RNF144B: variants seen among roughly 807,000 people sequenced by gnomAD.
The protein encoded by RNF144B is E3 ubiquitin-protein ligase RNF144B.
Under a neutral mutation model 40.2 loss-of-function variants are expected in RNF144B, and 25 were observed. The observed-to-expected ratio is 0.62, with a 90% CI of 0.45 to 0.87. RNF144B has a LOEUF of 0.87. Among genes scored for constraint, RNF144B ranks in the 40% least tolerant of loss-of-function variants. The pLI is 0.00. For synonymous variants in RNF144B, 145 were observed against 136.3 expected, an observed-to-expected ratio of 1.06 and a Z score of -0.44; for missense variants, 365 against 373.7, an observed-to-expected ratio of 0.98 and a Z score of 0.19.
chr6:18,419,363 A>G lies in RNF144B; in HGVS notation c.166-8218A>G, dbSNP rs1481717880. Among the ~76,000 whole-genome samples, 1 of 152,126 alleles carries G rather than the reference A, an allele frequency of 6.6e-6. No homozygotes were observed. Among genetic ancestry groups the G allele is most frequent in the Non-Finnish European group, 1.5e-5 (1 of 68,018 alleles). On this transcript the variant is annotated intron_variant, in intron 2 of 7. Transcript: ENST00000259939. The surrounding 1 kb of genome is among the most constrained non-coding windows in gnomAD (Gnocchi z 4.6). ...GGGAACCACTGGCCTTTTGGGATAT[A>G]TTCTCCTGAGAGCAAATAGGCAGTG...
chr6:18,415,793 C>T (rs774796824), intron 2 of RNF144B, among the ~76,000 whole-genome samples: 2 of 150,972 alleles, frequency 1.3e-5, no homozygotes, highest in African/African-American at 2.4e-5. Context: ...CTAGCATAGC[C>T]GTACCTCATG....
At position 18,398,068 on chromosome 6, in the gene RNF144B, C is replaced by T. The variant is rs1355005069; in HGVS notation, c.-36-1431C>T. ...AGGCTGCAGTGAGCTATGATTGTGC[C>T]ACCACACTCGAGCCTGGGCAACAGA... On this transcript the variant is annotated intron_variant, in intron 1 of 7. Transcript: ENST00000259939. The surrounding 1 kb of genome is among the most constrained non-coding windows in gnomAD (Gnocchi z 5.0). Among the ~76,000 whole-genome samples the T allele has an allele frequency of 1.3e-5, 2 of 151,914 alleles. No individual in the cohort carries two copies. Among genetic ancestry groups the T allele is most frequent in the Admixed American group, 6.6e-5 (1 of 15,236 alleles).
At chr6:18,403,677 T>C (rs1341272345) in intron 2 of RNF144B, among the ~76,000 whole-genome samples, 1 of 152,238 alleles carries the variant, frequency 6.6e-6, no homozygotes, top group Non-Finnish European at 1.5e-5. Flanking sequence ...GAGACCGTCT[T>C]AGTCCATTTT....
chr6:18,389,429 T>C (rs887822939), intron 1 of RNF144B, among the ~76,000 whole-genome samples: 6 of 152,236 alleles, frequency 3.9e-5, no homozygotes, highest in African/African-American at 1.4e-4. Flanking sequence ...TCCTCAGTAG[T>C]ATGAATATTT....
At position 18,418,483 on chromosome 6, in the gene RNF144B, A is replaced by G. The variant is rs1438368045; in HGVS notation, c.166-9098A>G. 2.6e-5 allele frequency among the ~76,000 whole-genome samples: 4 copies of G among 152,220 alleles called. No individual in the cohort carries two copies. The highest frequency in any genetic ancestry group is 5.9e-5 in the Non-Finnish European group (4 of 68,032). ...CCATTGACAAAGGACCATATATTGT[A>G]TCATTCCATTTATATGAAATGTAGA... On this transcript the variant is annotated intron_variant, in intron 2 of 7. Coordinates refer to ENST00000259939, the MANE Select transcript of RNF144B (RefSeq NM_182757.4). The surrounding 1 kb of genome is among the most constrained non-coding windows in gnomAD (Gnocchi z 5.2).
intron 2 of RNF144B, among the ~76,000 whole-genome samples, chr6:18,403,058 A>G (rs536253739): frequency 6.6e-6 from 1 of 152,352 alleles, no homozygotes; most frequent in South Asian, 2.1e-4. Flanking sequence ...TAAATATCTC[A>G]GGGATGTTTG....
In RNF144B at chr6:18,434,853, C is replaced by G. The variant is rs762978628; in HGVS notation, c.271-4831C>G. 6.6e-6 allele frequency among the ~76,000 whole-genome samples: 1 copy of G among 152,174 alleles called. No individual in the cohort carries two copies. Among genetic ancestry groups the G allele is most frequent in the African/African-American group, 2.4e-5 (1 of 41,440 alleles). On this transcript the variant is annotated intron_variant, in intron 3 of 7. Coordinates refer to ENST00000259939, the MANE Select transcript of RNF144B (RefSeq NM_182757.4). This position sits in a 1 kb window ranked among gnomAD's most constrained non-coding sequence, Gnocchi z 4.1. ...AGCCAGGATGGTCTCAATCTCCTGA[C>G]CTCGTGATCCACCTGCCTCGGCCTC... is the stretch of plus-strand genomic sequence containing the variant.
chr6:18,434,481 TAGAG>T lies in RNF144B; in HGVS notation c.271-5199_271-5196del, dbSNP rs969460558. ...TTCATTTCTTCTTGGTTGTGGACGT[TAGAG>T]AGATTAAATCACAGTTGTGTGTAAC... On this transcript the variant is annotated intron_variant, in intron 3 of 7. Coordinates refer to ENST00000259939, the MANE Select transcript of RNF144B (RefSeq NM_182757.4). The surrounding 1 kb of genome is among the most constrained non-coding windows in gnomAD (Gnocchi z 4.1). Among the ~76,000 whole-genome samples, 2 of 152,128 alleles carry T rather than the reference TAGAG, an allele frequency of 1.3e-5. No homozygotes were observed. Among genetic ancestry groups the T allele is most frequent in the Non-Finnish European group, 2.9e-5 (2 of 68,026 alleles).
rs575561236 is a variant in RNF144B, at chr6:18,468,391, C to T, written c.*3324C>T. 7 of 152,288 alleles carry T rather than the reference C, an allele frequency of 4.6e-5. No homozygotes were observed. Among genetic ancestry groups the T allele is most frequent in the African/African-American group, 1.7e-4 (7 of 41,550 alleles). 9.4% of individuals were successfully genotyped at this position (152,288 alleles called of 1,614,324 possible). A position where few individuals can be genotyped will look rare whatever the true frequency, so the allele number is the denominator to read the frequency against. On this transcript the variant is annotated 3_prime_UTR_variant, in exon 8 of 8. Coordinates refer to ENST00000259939, the MANE Select transcript of RNF144B (RefSeq NM_182757.4). ...ATTTGCTTTGGACTTGGAGTCTGTA[C>T]TTTGAAAGAGGCCTTTGAAAAACAA...
rs1758444020 is a variant in RNF144B, at chr6:18,422,311, ATGT to A, written c.166-5265_166-5263del. ...CATAGTCTGAAGTGGAATAAGCAGA[ATGT>A]TGTTCTCAGTGTGAGATGTTATTTA... On this transcript the variant is annotated intron_variant, in intron 2 of 7. Coordinates refer to ENST00000259939, the MANE Select transcript of RNF144B (RefSeq NM_182757.4). This position sits in a 1 kb window ranked among gnomAD's most constrained non-coding sequence, Gnocchi z 4.7. 2.0e-5 allele frequency among the ~76,000 whole-genome samples: 3 copies of A among 152,198 alleles called. No individual in the cohort carries two copies. Among genetic ancestry groups the A allele is most frequent in the Admixed American group, 6.5e-5 (1 of 15,286 alleles).
chr6:18,434,304 A>C lies in RNF144B; in HGVS notation c.271-5380A>C, dbSNP rs1464354988. ...GGGAACACACACCACTTTTGGCATA[A>C]ATACTTTTGTGGTGAGCAGGCTTCA... On this transcript the variant is annotated intron_variant, in intron 3 of 7. Transcript: ENST00000259939. The surrounding 1 kb of genome is among the most constrained non-coding windows in gnomAD (Gnocchi z 4.1). Among the ~76,000 whole-genome samples the C allele has an allele frequency of 1.3e-5, 2 of 152,100 alleles. No homozygotes were observed. The highest frequency in any genetic ancestry group is 2.9e-5 in the Non-Finnish European group (2 of 68,026).
chr6:18,420,362 A>G (rs1040551185), intron 2 of RNF144B, among the ~76,000 whole-genome samples: 18 of 152,114 alleles, frequency 1.2e-4, no homozygotes, highest in Non-Finnish European at 1.5e-5. Flanking sequence ...TCAGGCTTCC[A>G]GCTCTCAGAG....
At chr6:18,413,673 T>C (rs1329600430) in intron 2 of RNF144B, among the ~76,000 whole-genome samples, 1 of 152,152 alleles carries the variant, frequency 6.6e-6, no homozygotes, top group African/African-American at 2.4e-5. Flanking sequence ...TCCAGGCGCA[T>C]TGTGTCTGTG....
intron 4 of RNF144B, among the ~76,000 whole-genome samples, chr6:18,455,912 G>A (rs1308798255): frequency 6.6e-6 from 1 of 151,656 alleles, no homozygotes; most frequent in African/African-American, 2.4e-5. Flanking sequence ...TTTGTTTTTT[G>A]TTTTTGTTTT....
rs961860574 is a variant in RNF144B, at chr6:18,446,140, C to T, written c.331+6396C>T. On this transcript the variant is annotated intron_variant, in intron 4 of 7. Coordinates refer to ENST00000259939, the MANE Select transcript of RNF144B (RefSeq NM_182757.4). This position sits in a 1 kb window ranked among gnomAD's most constrained non-coding sequence, Gnocchi z 4.7. Reference sequence around the variant, plus strand: ...GTAGTCCTGTTAGATGCCAGGGCTGCTGATGTCTGATGACTCTCTGCATTT... The same window carrying T: ...GTAGTCCTGTTAGATGCCAGGGCTGTTGATGTCTGATGACTCTCTGCATTT... Among the ~76,000 whole-genome samples, 2 of 152,174 alleles carry T rather than the reference C, an allele frequency of 1.3e-5. No individual in the cohort carries two copies. Among genetic ancestry groups the T allele is most frequent in the Non-Finnish European group, 2.9e-5 (2 of 68,044 alleles).
rs2113525374 is a variant in RNF144B, at chr6:18,448,462, G to C, written c.332-8693G>C. Among the ~76,000 whole-genome samples the C allele has an allele frequency of 6.6e-6, 1 of 152,216 alleles. No individual in the cohort carries two copies. ...AGCAGCTGAGAGTGAGAAGAGAAAA[G>C]GGGTAATGCAGATTTGAAGCAAAAG... On this transcript the variant is annotated intron_variant, in intron 4 of 7. Transcript: ENST00000259939. This position sits in a 1 kb window ranked among gnomAD's most constrained non-coding sequence, Gnocchi z 4.0.
intron 3 of RNF144B, among the ~76,000 whole-genome samples, chr6:18,436,905 G>GTGT (rs1310570929): frequency 1.3e-5 from 2 of 150,542 alleles, no homozygotes; most frequent in Non-Finnish European, 3.0e-5. Flanking sequence ...TTGTTGTTGT[G>GTGT]TTTTTTTTTT....
intron 3 of RNF144B, among the ~76,000 whole-genome samples, chr6:18,430,122 C>A (rs1394978983): frequency 1.3e-5 from 2 of 152,296 alleles, no homozygotes; most frequent in East Asian, 3.9e-4. Context: ...CCTGTGCTGA[C>A]TAATCCAGTA....
intron 2 of RNF144B, among the ~76,000 whole-genome samples, chr6:18,407,984 CTTTTT>C (rs370801682): frequency 1.5e-5 from 2 of 133,598 alleles, no homozygotes; most frequent in Non-Finnish European, 1.6e-5. Flanking sequence ...CTTTCTTTTT[CTTTTT>C]TTTTTTTTTT....
Sources: allele counts gnomAD v4.1 joint callset (sites outside exome capture counted in the v4.1 genomes callset), GRCh38; gene constraint gnomAD v4.1.1; non-coding constraint Gnocchi (gnomAD v3.1); transcripts MANE v1.5; gene names NCBI Gene and HGNC (gene_info 2026-07-23, HGNC 2026-07-21).